The following ZNF506 variants were observed in gnomAD, a reference collection of about 807,000 sequenced individuals.
ZNF506 encodes zinc finger protein 506.
Under a neutral mutation model 11.6 loss-of-function variants are expected in ZNF506, and 10 were observed. That is an observed-to-expected ratio of 0.86 (90% CI 0.53 to 1.46). The LOEUF is 1.46. Ranked by LOEUF, ZNF506 falls within the 40% of genes most tolerant of loss-of-function variation. ZNF506 has a pLI of 0.00. For missense variants in ZNF506, 425 were observed against 521.2 expected (o/e 0.82, Z 1.80); for synonymous variants, 156 against 173.3 (o/e 0.90, Z 0.78).
chr19:19,795,658 T>A lies in ZNF506; in HGVS notation c.229A>T (p.Met77Leu), dbSNP rs1209669261. ...AGGTCTTGGGCAAAATGAGAATACATAACTGAAAGAAACAATAAAAACACA... is the reference window on the plus strand; with the variant it reads ...AGGTCTTGGGCAAAATGAGAATACAAAACTGAAAGAAACAATAAAAACACA... ...RHEMIAKPPV[M>L]YSHFAQDLWS... The change falls in exon 4 of 4, where the codon ATG becomes TTG. Residue 77 changes from methionine to leucine, a missense_variant and splice_region_variant. By Grantham distance (15) the Met-to-Leu change is conservative (BLOSUM62 2). Around this residue, in one of 3 missense-constraint regions of ZNF506, gnomAD observed 226 missense variants for 279.1 expected, o/e 0.81. Transcript: ENST00000540806. 57 of 1,494,234 alleles carry A rather than the reference T, an allele frequency of 3.8e-5. No individual in the cohort carries two copies. The highest frequency in any genetic ancestry group is 5.0e-5 in the Non-Finnish European group (56 of 1,125,058). 92.6% of individuals were successfully genotyped at this position (1,494,234 alleles called of 1,614,324 possible).
chr19:19,794,923 A>C lies in ZNF506; in HGVS notation c.964T>G (p.Phe322Val). ...PYKCEECGKA[F>V]NRSSNLTKHK... ...TTAGTAAGGTTTGAGGAACGGTTAA[A>C]AGCTTTGCCACATTCCTCACATTTG... The change falls in exon 4 of 4, where the codon TTT becomes GTT. Residue 322 changes from phenylalanine (F) to valine (V), a missense_variant. By Grantham distance (50) the Phe-to-Val change is conservative. Around this residue, in one of 3 missense-constraint regions of ZNF506, gnomAD observed 192 missense variants for 215.7 expected, o/e 0.89. Transcript: ENST00000540806. 6.2e-7 allele frequency: 1 copy of C among 1,613,962 alleles called. No individual in the cohort carries two copies. The highest frequency in any genetic ancestry group is 8.5e-7 in the Non-Finnish European group (1 of 1,180,012).
chr19:19,800,410 A>ATATATATATATATATATT, intron 3 of ZNF506, among the ~76,000 whole-genome samples: 1 of 136,492 alleles, frequency 7.3e-6, no homozygotes, highest in East Asian at 2.5e-4. Context: ...ATATATATAT[A>ATATATATATATATATATT]TATTTATATA....
At chr19:19,809,299 C>T (rs2062865607) in intron 1 of ZNF506, among the ~76,000 whole-genome samples, 1 of 151,852 alleles carries the variant, frequency 6.6e-6, no homozygotes, top group Non-Finnish European at 1.5e-5. Flanking sequence ...TTTCAGAGAC[C>T]CTTGACTATC....
chr19:19,807,393 TAGAAA>T (rs886411346), intron 1 of ZNF506, among the ~76,000 whole-genome samples: 31 of 152,290 alleles, frequency 2.0e-4, no homozygotes, highest in Admixed American at 7.2e-4. Flanking sequence ...ATTTTTCAGA[TAGAAA>T]AGAAATGTTG....
chr19:19,801,422 G>A (rs1338658372), intron 3 of ZNF506, among the ~76,000 whole-genome samples: 2 of 151,652 alleles, frequency 1.3e-5, no homozygotes, highest in Non-Finnish European at 2.9e-5. Context: ...TTGAACCCAG[G>A]AGGTGGAGGT....
At chr19:19,812,028 T>C (rs747418889) in intron 1 of ZNF506, among the ~76,000 whole-genome samples, 2 of 152,056 alleles carry the variant, frequency 1.3e-5, no homozygotes, top group Non-Finnish European at 2.9e-5. Context: ...AATGGCTATA[T>C]GAAATGGAAG....
At chr19:19,805,974 T>C in intron 3 of ZNF506, 57 bp downstream of exon 3, 1 of 1,428,786 alleles carries the variant, frequency 7.0e-7, no homozygotes, top group East Asian at 2.4e-5. Context: ...CGCTTTCTCT[T>C]TGACCTTGGG....
intron 3 of ZNF506, 63 bp downstream of exon 3, chr19:19,805,968 T>C: frequency 7.2e-7 from 1 of 1,379,444 alleles, no homozygotes; most frequent in South Asian, 1.3e-5. Flanking sequence ...AGGACTCGCT[T>C]TCTCTTTGAC....
intron 3 of ZNF506, among the ~76,000 whole-genome samples, chr19:19,803,498 T>C (rs565086380): frequency 7.2e-5 from 11 of 152,316 alleles, no homozygotes; most frequent in African/African-American, 2.4e-4. Context: ...TGCAAAAACA[T>C]GTCCTAATGT....
At chr19:19,814,410 AAAT>A (rs59922058) in intron 1 of ZNF506, among the ~76,000 whole-genome samples, 6,476 of 144,086 alleles carry the variant, frequency 0.045, 232 homozygotes, top group South Asian at 0.13. Flanking sequence ...CTCCATCTCA[AAAT>A]AATAATAATA....
In ZNF506 at chr19:19,794,320, A is replaced by G. The variant is rs2062719173; in HGVS notation, c.*232T>C. ...AGTGAAACTCCATCTCAAAAAACAA[A>G]AAGAGTTGACAGGTTGTTATAGGCT... On this transcript the variant is annotated 3_prime_UTR_variant, in exon 4 of 4. Transcript: ENST00000540806. The G allele has an allele frequency of 5.1e-6, 2 of 389,106 alleles. No homozygotes were observed. Among genetic ancestry groups the G allele is most frequent in the Middle Eastern group, 4.3e-4 (1 of 2,314 alleles). 24.1% of individuals were successfully genotyped at this position (389,106 alleles called of 1,614,324 possible). A position where few individuals can be genotyped will look rare whatever the true frequency, so the allele number is the denominator to read the frequency against.
At chr19:19,812,336 G>T (rs1222676961) in intron 1 of ZNF506, among the ~76,000 whole-genome samples, 1 of 152,258 alleles carries the variant, frequency 6.6e-6, no homozygotes, top group Non-Finnish European at 1.5e-5. Context: ...GAGAGACTCA[G>T]GCTGATTCTA....
chr19:19,819,376 C>CAA lies in ZNF506; in HGVS notation c.3+2223_3+2224dup, dbSNP rs779777587. On this transcript the variant is annotated intron_variant, in intron 1 of 3. Coordinates refer to ENST00000540806, the MANE Select transcript of ZNF506 (RefSeq NM_001099269.3). ...TTCATGTCTCAAGGGGTTAGCTTTTCAAAAAAAAAAAAGAAAAAAGTGCAC... is the reference window on the plus strand; with the variant it reads ...TTCATGTCTCAAGGGGTTAGCTTTTCAAAAAAAAAAAAAAGAAAAAAGTGCAC... 7.8e-3 allele frequency among the ~76,000 whole-genome samples: 1,033 copies of CAA among 132,102 alleles called. 16 individuals carry two copies. Among genetic ancestry groups the CAA allele is most frequent in the African/African-American group, 0.027 (973 of 35,996 alleles). The allele number at this position is 132,102 out of a possible 152,430, so 86.7% of individuals were successfully genotyped here. A position where few individuals can be genotyped will look rare whatever the true frequency, so the allele number is the denominator to read the frequency against.
chr19:19,803,399 C>G (rs182671516), intron 3 of ZNF506, among the ~76,000 whole-genome samples: 64 of 152,292 alleles, frequency 4.2e-4, no homozygotes, highest in Admixed American at 1.3e-4. Flanking sequence ...AGAAACCCAC[C>G]CAGTTACCTG....
At chr19:19,806,204 G>C in intron 2 of ZNF506, 78 bp from the exon 3 acceptor site, 3 of 1,062,940 alleles carry the variant, frequency 2.8e-6, no homozygotes, top group Non-Finnish European at 3.9e-6. Flanking sequence ...CAGCAGAGAG[G>C]ATGTGATAAA....
chr19:19,815,808 C>A (rs1232945562), intron 1 of ZNF506, among the ~76,000 whole-genome samples: 7 of 152,312 alleles, frequency 4.6e-5, no homozygotes, highest in Non-Finnish European at 2.9e-5. Flanking sequence ...CATAACCTCT[C>A]TGAAGTTCAA....
At chr19:19,814,113 AAAAC>A (rs1487771650) in intron 1 of ZNF506, among the ~76,000 whole-genome samples, 1 of 152,110 alleles carries the variant, frequency 6.6e-6, no homozygotes, top group Non-Finnish European at 1.5e-5. Flanking sequence ...TTATTCTTAG[AAAAC>A]AAATGCAGAG....
At position 19,795,041 on chromosome 19, in the gene ZNF506, C is replaced by T; in HGVS notation, c.846G>A (p.Glu282=). 1 of 1,613,734 alleles carries T rather than the reference C, an allele frequency of 6.2e-7. No individual in the cohort carries two copies. Among genetic ancestry groups the T allele is most frequent in the Non-Finnish European group, 8.5e-7 (1 of 1,179,932 alleles). Residue 282 remains glutamate (E), a synonymous_variant, in exon 4 of 4, where the codon GAG becomes GAA. Transcript: ENST00000540806. ...CACATTTATCACACTTGTATGGTTT[C>T]TCTCCAGTATGAATTTTCTTATGTG... The part of the protein sequence containing the change: ...LFSHKKIHTG[E]KPYKCDKCGK...
intron 3 of ZNF506, among the ~76,000 whole-genome samples, chr19:19,805,474 A>C (rs777535023): frequency 6.6e-5 from 10 of 152,166 alleles, no homozygotes; most frequent in African/African-American, 2.2e-4. Context: ...TAAAATTTAC[A>C]TGAAACTAAA....
Sources: allele counts gnomAD v4.1 joint callset (sites outside exome capture counted in the v4.1 genomes callset), GRCh38; gene constraint gnomAD v4.1.1; regional missense constraint gnomAD v4.1.1; transcripts MANE v1.5; gene names NCBI Gene and HGNC (gene_info 2026-07-23, HGNC 2026-07-21).